The following DYNC1I1 variants were observed in gnomAD, a reference collection of about 807,000 sequenced individuals.
DYNC1I1 encodes cytoplasmic dynein 1 intermediate chain 1.
In DYNC1I1, 43 loss-of-function variants were observed where a neutral mutation model predicts 86.6. The ratio of observed to expected loss-of-function variants is 0.50; its 90% CI spans 0.39 to 0.64. The LOEUF (loss-of-function observed/expected upper bound fraction) is 0.64. Ranked by LOEUF, DYNC1I1 falls within the 30% of genes least tolerant of loss-of-function variation. DYNC1I1 has a pLI of 0.00. For synonymous variants in DYNC1I1, 262 were observed against 283.7 expected (o/e 0.92, Z 0.77); for missense variants, 604 against 788.8 (o/e 0.77, Z 2.81).
Position 96,032,776 on chromosome 7 carries a change from C to T in DYNC1I1, c.1226C>T (p.Pro409Leu). ...CSWSLDMLSTPQESMELVYNK... is the reference protein window; with the variant it reads ...CSWSLDMLSTLQESMELVYNK... ...TGGAGCCTGGACATGCTCTCAACTC[C>T]ACAGGTGGGTTTGTTTTTCCCTACA... The change falls in exon 12 of 17, where the codon CCA becomes CTA. Residue 409 changes from proline (P) to leucine (L), a missense_variant. By Grantham distance (98) the Pro-to-Leu change is moderately conservative. Transcript: ENST00000447467. 1 of 1,612,532 alleles carries T rather than the reference C, an allele frequency of 6.2e-7. No individual in the cohort carries two copies. Among genetic ancestry groups the T allele is most frequent in the South Asian group, 1.1e-5 (1 of 90,986 alleles).
chr7:95,799,175 C>A (rs1039245169), intron 1 of DYNC1I1, among the ~76,000 whole-genome samples: 1 of 152,072 alleles, frequency 6.6e-6, no homozygotes, highest in Non-Finnish European at 1.5e-5. Context: ...GTCAGGAGTT[C>A]AAGACCAGCC....
At chr7:96,089,223 T>C (rs1182646749) in intron 16 of DYNC1I1, among the ~76,000 whole-genome samples, 1 of 101,426 alleles carries the variant, frequency 9.9e-6, no homozygotes, top group East Asian at 3.3e-4. Context: ...CCCTTGATTA[T>C]CACATTCCTC....
At chr7:96,100,650 T>TTGTG (rs57129262), downstream of DYNC1I1, among the ~76,000 whole-genome samples, 5,763 of 142,888 alleles carry the variant, frequency 0.04, 302 homozygotes, top group African/African-American at 0.13. Context: ...TTTGAGGGTT[T>TTGTG]TGTGTGTGTG....
intron 4 of DYNC1I1, 91 bp downstream of exon 4, chr7:95,813,428 GTGCATGTATC>G: frequency 6.9e-7 from 1 of 1,458,722 alleles, no homozygotes; most frequent in Non-Finnish European, 9.2e-7. Context: ...ACTGTGAAAT[GTGCATGTATC>G]TGCATGTGTA....
intron 4 of DYNC1I1, among the ~76,000 whole-genome samples, chr7:95,815,256 G>A (rs1397271409): frequency 1.3e-5 from 2 of 151,964 alleles, no homozygotes; most frequent in Non-Finnish European, 2.9e-5. Flanking sequence ...TTAACTTTAT[G>A]AATCACTTTG....
rs180956798 is a variant in DYNC1I1, at chr7:96,013,355, A to G, written c.970-14820A>G. On this transcript the variant is annotated intron_variant, in intron 10 of 16. Transcript: ENST00000447467. ...TTTACCCTCCAAAAAGAAACGTAGC[A>G]CTGTCTACCCCTCGATTTTAGTCCT... 1.8e-3 allele frequency among the ~76,000 whole-genome samples: 273 copies of G among 152,326 alleles called. 2 individuals are homozygous for G. The highest frequency in any genetic ancestry group is 6.1e-3 in the African/African-American group (255 of 41,588).
intron 6 of DYNC1I1, among the ~76,000 whole-genome samples, chr7:95,917,068 C>G (rs1322431767): frequency 6.6e-6 from 1 of 152,096 alleles, no homozygotes; most frequent in African/African-American, 2.4e-5. Context: ...GCTTGAGGTT[C>G]TTATGTGAAA....
intron 14 of DYNC1I1, among the ~76,000 whole-genome samples, chr7:96,064,293 C>T (rs1189093301): frequency 6.6e-6 from 1 of 151,352 alleles, no homozygotes; most frequent in African/African-American, 2.4e-5. Context: ...GTTTCAGGGA[C>T]ATACTGATGC....
At chr7:95,903,690 C>G (rs1292219811) in intron 6 of DYNC1I1, among the ~76,000 whole-genome samples, 1 of 152,154 alleles carries the variant, frequency 6.6e-6, no homozygotes, top group African/African-American at 2.4e-5. Context: ...CTAAGTGGAT[C>G]CTTTATTTAA....
At chr7:95,879,591 A>G (rs1278257985) in intron 6 of DYNC1I1, among the ~76,000 whole-genome samples, 1 of 152,198 alleles carries the variant, frequency 6.6e-6, no homozygotes, top group Non-Finnish European at 1.5e-5. Flanking sequence ...AAGTCATAAC[A>G]AATAACTAGT....
chr7:95,852,589 C>T (rs1789607812), intron 5 of DYNC1I1, among the ~76,000 whole-genome samples: 1 of 152,202 alleles, frequency 6.6e-6, no homozygotes, highest in East Asian at 1.9e-4. Context: ...TCACTGCAAC[C>T]TCTGCCTCCT....
intron 10 of DYNC1I1, among the ~76,000 whole-genome samples, chr7:96,025,847 G>GA (rs906115011): frequency 2.0e-5 from 3 of 151,602 alleles, no homozygotes; most frequent in East Asian, 1.9e-4. Context: ...TTGCGGGGGG[G>GA]GGATATTTGC....
chr7:95,905,439 T>C (rs1307228333), intron 6 of DYNC1I1, among the ~76,000 whole-genome samples: 1 of 152,148 alleles, frequency 6.6e-6, no homozygotes, highest in Non-Finnish European at 1.5e-5. Context: ...CCTACTCAGC[T>C]GCAGACTCAT....
chr7:95,810,546 A>G lies in DYNC1I1; in HGVS notation c.223+40A>G, dbSNP rs779181893. On this transcript the variant is annotated intron_variant, in intron 3 of 16. Coordinates refer to ENST00000447467, the MANE Select transcript of DYNC1I1 (RefSeq NM_001135556.2). ...TTCCTGTTACTATTCCTCAAAATCA[A>G]CTTGCGTGGGATATACCATGTCCAG... is the stretch of plus-strand genomic sequence containing the variant. 9 of 1,552,624 alleles carry G rather than the reference A, an allele frequency of 5.8e-6. No individual in the cohort carries two copies. In the East Asian group the frequency reaches 6.8e-5, roughly 12 times the overall value.
intron 10 of DYNC1I1, among the ~76,000 whole-genome samples, chr7:96,007,393 T>G (rs572491210): frequency 2.6e-5 from 4 of 152,182 alleles, no homozygotes; most frequent in Non-Finnish European, 5.9e-5. Context: ...CATAAATATA[T>G]TACATGACTG....
chr7:96,047,164 A>T (rs1242895737), intron 14 of DYNC1I1, among the ~76,000 whole-genome samples: 2 of 152,066 alleles, frequency 1.3e-5, no homozygotes, highest in Admixed American at 1.3e-4. Flanking sequence ...TTTTATAAGG[A>T]TACTAATCCC....
chr7:96,038,255 C>T (rs10236021), intron 13 of DYNC1I1, among the ~76,000 whole-genome samples: 32,920 of 151,968 alleles, frequency 0.22, 3,658 homozygotes, highest in East Asian at 0.32. Flanking sequence ...TAACTGAGCT[C>T]GTTTTTATTC....
At chr7:95,913,796 T>C (rs924770071) in intron 6 of DYNC1I1, among the ~76,000 whole-genome samples, 3 of 152,246 alleles carry the variant, frequency 2.0e-5, no homozygotes, top group Non-Finnish European at 4.4e-5. Flanking sequence ...AATAATGCTA[T>C]GGGTTTAATA....
intron 6 of DYNC1I1, among the ~76,000 whole-genome samples, chr7:95,946,570 T>C (rs1050839815): frequency 6.6e-6 from 1 of 152,210 alleles, no homozygotes; most frequent in Admixed American, 6.5e-5. Context: ...TAAGCAATAG[T>C]CACCTAGGCT....
Sources: gnomAD v4.1 joint callset for allele counts (sites outside exome capture counted in the v4.1 genomes callset) on GRCh38, gnomAD v4.1.1 for gene constraint, MANE v1.5 for transcripts, NCBI Gene and HGNC (gene_info 2026-07-23, HGNC 2026-07-21) for gene names.